ALKBH3: variants seen among roughly 807,000 people sequenced by gnomAD.
The protein encoded by ALKBH3 is alkB homolog 3, alpha-ketoglutarate dependent dioxygenase.
A neutral mutation model predicts 43.9 loss-of-function variants in ALKBH3; 51 were observed. The observed-to-expected ratio is 1.16, with a 90% CI of 0.93 to 1.47. The LOEUF (loss-of-function observed/expected upper bound fraction) is 1.47, where lower values mean the gene tolerates loss of function less well. Among genes scored for constraint, ALKBH3 ranks in the 40% most tolerant of loss-of-function variants. ALKBH3 has a pLI of 0.00. For synonymous variants in ALKBH3, 102 were observed against 115.2 expected, an observed-to-expected ratio of 0.89 and a Z score of 0.73; for missense variants, 361 against 351.9, an observed-to-expected ratio of 1.03 and a Z score of -0.21.
At chr11:43,912,899 A>G (rs1951951020) in intron 8 of ALKBH3, among the ~76,000 whole-genome samples, 1 of 152,154 alleles carries the variant, frequency 6.6e-6, no homozygotes, top group Admixed American at 6.5e-5. Flanking sequence ...GGCCTCTCCC[A>G]GCTCTACACA....
chr11:43,907,233 G>A (rs1252976732), intron 8 of ALKBH3, among the ~76,000 whole-genome samples: 1 of 152,090 alleles, frequency 6.6e-6, no homozygotes, highest in Non-Finnish European at 1.5e-5. Context: ...GTGTGTGCGT[G>A]TGTGTGTTTA....
chr11:43,890,636 CA>C (rs1362647861), intron 6 of ALKBH3, among the ~76,000 whole-genome samples: 1 of 152,118 alleles, frequency 6.6e-6, no homozygotes, highest in African/African-American at 2.4e-5. Flanking sequence ...GAGGCCGAGG[CA>C]GGTGGATCAT....
rs534302926 is a variant in ALKBH3, at chr11:43,903,466, A to T, written c.669+1741A>T. On this transcript the variant is annotated intron_variant, in intron 8 of 9. Coordinates refer to ENST00000302708, the MANE Select transcript of ALKBH3 (RefSeq NM_139178.4). ...TCTCAAGCCGGATGTATGGAACCTC[A>T]GCTTGTTGCCAGGAGTGGTCCTGAG... Among the ~76,000 whole-genome samples, 9 of 152,302 alleles carry T rather than the reference A, an allele frequency of 5.9e-5. No homozygotes were observed. The South Asian group carries it at 1.7e-3, about 28-fold the overall frequency.
chr11:43,885,044 C>T (rs1951737999), intron 4 of ALKBH3, among the ~76,000 whole-genome samples: 2 of 152,134 alleles, frequency 1.3e-5, no homozygotes, highest in African/African-American at 4.8e-5. Flanking sequence ...GGATGAGCTA[C>T]CATGCCAGGC....
chr11:43,890,106 A>G (rs915677889), intron 6 of ALKBH3, among the ~76,000 whole-genome samples: 12 of 150,638 alleles, frequency 8.0e-5, no homozygotes, highest in Non-Finnish European at 1.5e-4. Flanking sequence ...TATGGCTGAC[A>G]TACTTATCTC....
In ALKBH3 at chr11:43,906,066, C is replaced by T. The variant is rs113648646; in HGVS notation, c.669+4341C>T. ...TGTATCCTTCATCAGCTGAATTCTGCAAATGTTAGGGGCTCCTATTCACCT... is the reference window on the plus strand; with the variant it reads ...TGTATCCTTCATCAGCTGAATTCTGTAAATGTTAGGGGCTCCTATTCACCT... On this transcript the variant is annotated intron_variant, in intron 8 of 9. Coordinates refer to ENST00000302708, the MANE Select transcript of ALKBH3 (RefSeq NM_139178.4). Among the ~76,000 whole-genome samples the T allele has an allele frequency of 1.3e-3, 198 of 152,298 alleles. 1 individual carries two copies. The highest frequency in any genetic ancestry group is 4.6e-3 in the African/African-American group (190 of 41,558).
chr11:43,883,042 C>T (rs1408958989), intron 2 of ALKBH3, 43 bp from the exon 3 acceptor site: 4 of 1,541,074 alleles, frequency 2.6e-6, no homozygotes, highest in Non-Finnish European at 3.6e-6. Context: ...GTGCTGAGAA[C>T]AGACTTTCCC....
At chr11:43,919,187 T>G (rs570101560) in intron 9 of ALKBH3, 51 bp downstream of exon 9, 11 of 1,469,304 alleles carry the variant, frequency 7.5e-6, no homozygotes, top group African/African-American at 1.4e-5. Context: ...GGCAGTTTCC[T>G]GACTCTGAGG....
chr11:43,895,377 G>C (rs1832514651), intron 7 of ALKBH3, among the ~76,000 whole-genome samples: 1 of 152,180 alleles, frequency 6.6e-6, no homozygotes, highest in South Asian at 2.1e-4. Context: ...TTTTATAAAT[G>C]GGAGTTCCCT....
intron 7 of ALKBH3, among the ~76,000 whole-genome samples, chr11:43,893,278 C>A (rs1375948869): frequency 6.6e-6 from 1 of 152,168 alleles, no homozygotes; most frequent in Non-Finnish European, 1.5e-5. Context: ...GTATGCATGA[C>A]CTCCACCTGT....
At chr11:43,891,557 G>A (rs1259498684) in intron 6 of ALKBH3, among the ~76,000 whole-genome samples, 1 of 152,140 alleles carries the variant, frequency 6.6e-6, no homozygotes, top group Non-Finnish European at 1.5e-5. Context: ...ATGAAAATCA[G>A]CTGCATGCCA....
In ALKBH3 at chr11:43,882,586, C is replaced by A; in HGVS notation, c.-67C>A. ...TTTGTTTTGTTTTAATAAACAGATA[C>A]CATGGAGTAGTTTGAAACAGGAACA... On this transcript the variant is annotated 5_prime_UTR_variant, in exon 2 of 10. Transcript: ENST00000302708. The A allele has an allele frequency of 1.4e-6, 2 of 1,433,682 alleles. No individual in the cohort carries two copies. Among genetic ancestry groups the A allele is most frequent in the Non-Finnish European group, 1.9e-6 (2 of 1,040,750 alleles). The allele number at this position is 1,433,682 out of a possible 1,614,324, so 88.8% of individuals were successfully genotyped here.
At chr11:43,899,602 G>A (rs892578315) in intron 7 of ALKBH3, 13 of 538,188 alleles carry the variant, frequency 2.4e-5, no homozygotes, top group African/African-American at 1.2e-4. Flanking sequence ...GGAGATGGCC[G>A]CCCCTCCTCG....
intron 7 of ALKBH3, among the ~76,000 whole-genome samples, chr11:43,893,458 C>G (rs1201841620): frequency 6.6e-6 from 1 of 152,164 alleles, no homozygotes; most frequent in African/African-American, 2.4e-5. Flanking sequence ...AACATTTTGA[C>G]AACTCTTCAA....
chr11:43,888,511 A>G (rs1472762006), intron 5 of ALKBH3, among the ~76,000 whole-genome samples: 1 of 152,274 alleles, frequency 6.6e-6, no homozygotes, highest in African/African-American at 2.4e-5. Flanking sequence ...GCCTTAATGC[A>G]TGAGTATACT....
chr11:43,903,515 A>G (rs1388187925), intron 8 of ALKBH3, among the ~76,000 whole-genome samples: 1 of 152,200 alleles, frequency 6.6e-6, no homozygotes, highest in Non-Finnish European at 1.5e-5. Context: ...GCAGTGAATG[A>G]GTAAGATGAA....
At chr11:43,884,276 G>A (rs190699686) in intron 4 of ALKBH3, among the ~76,000 whole-genome samples, 1 of 147,888 alleles carries the variant, frequency 6.8e-6, no homozygotes, top group East Asian at 2.0e-4. Flanking sequence ...CTATTTCACC[G>A]ATATCTGTAG....
At chr11:43,884,940 G>A (rs915882138) in intron 4 of ALKBH3, among the ~76,000 whole-genome samples, 4 of 151,732 alleles carry the variant, frequency 2.6e-5, no homozygotes, top group Admixed American at 2.6e-4. Context: ...ATTTTTTGTA[G>A]AGATGGGATC....
chr11:43,918,166 A>G (rs905635548), intron 8 of ALKBH3, among the ~76,000 whole-genome samples: 8 of 152,254 alleles, frequency 5.3e-5, no homozygotes, highest in African/African-American at 1.9e-4. Context: ...TCCCAGTCTC[A>G]GCACTTGACA....
Sources: allele counts gnomAD v4.1 joint callset (sites outside exome capture counted in the v4.1 genomes callset), GRCh38; gene constraint gnomAD v4.1.1; transcripts MANE v1.5; gene names NCBI Gene and HGNC (gene_info 2026-07-23, HGNC 2026-07-21).